PEX14: variants seen among roughly 807,000 people sequenced by gnomAD.
PEX14 encodes peroxisomal biogenesis factor 14, also known as peroxisomal membrane protein PEX14.
In PEX14, 15 loss-of-function variants were observed where a neutral mutation model predicts 49.5. The observed-to-expected ratio is 0.30, with a 90% CI of 0.20 to 0.47. The LOEUF (loss-of-function observed/expected upper bound fraction) is 0.47, where lower values mean the gene tolerates loss of function less well. Ranked by LOEUF, PEX14 falls within the 20% of genes least tolerant of loss-of-function variation. The pLI is 1.00. For synonymous variants in PEX14, 210 were observed against 212.7 expected, an observed-to-expected ratio of 0.99 and a Z score of 0.11; for missense variants, 398 against 494.8, an observed-to-expected ratio of 0.80 and a Z score of 1.86.
intron 3 of PEX14, among the ~76,000 whole-genome samples, chr1:10,586,739 A>C (rs1640504506): frequency 7.1e-6 from 1 of 139,946 alleles, no homozygotes; most frequent in Non-Finnish European, 1.5e-5. Context: ...TCCTGGGTTC[A>C]CGCCATTCTC....
chr1:10,565,897 T>A (rs933878389), intron 3 of PEX14, among the ~76,000 whole-genome samples: 1 of 152,216 alleles, frequency 6.6e-6, no homozygotes, highest in East Asian at 1.9e-4. Context: ...CCCAGCTACT[T>A]GGGAGGCTGA....
intron 3 of PEX14, among the ~76,000 whole-genome samples, chr1:10,541,085 C>T (rs1377013982): frequency 6.6e-6 from 1 of 152,144 alleles, no homozygotes; most frequent in Non-Finnish European, 1.5e-5. Flanking sequence ...GACACGGATT[C>T]GACTCAGTCA....
At chr1:10,535,897 G>A (rs946004895) in intron 2 of PEX14, 7 of 384,016 alleles carry the variant, frequency 1.8e-5, no homozygotes, top group Non-Finnish European at 3.0e-5. Flanking sequence ...ACATGGGTGC[G>A]CATGGCCACA....
intron 2 of PEX14, chr1:10,524,533 T>C (rs2124460798): frequency 2.5e-6 from 1 of 394,052 alleles, no homozygotes; most frequent in Non-Finnish European, 3.5e-6. Flanking sequence ...TACATGCTCA[T>C]CTGGCTTCTC....
intron 2 of PEX14, among the ~76,000 whole-genome samples, chr1:10,530,952 C>T (rs1457625132): frequency 1.3e-5 from 2 of 152,132 alleles, no homozygotes; most frequent in Admixed American, 1.3e-4. Context: ...TAGGATATGT[C>T]ACCTTTTGGA....
intron 5 of PEX14, among the ~76,000 whole-genome samples, chr1:10,620,405 T>C (rs1018051176): frequency 2.0e-5 from 3 of 152,072 alleles, no homozygotes; most frequent in Non-Finnish European, 4.4e-5. Context: ...GGAGGATCAC[T>C]TGGGCTCGGG....
rs1641523275 is a variant in PEX14, at chr1:10,494,535, C to G, written c.37-739C>G. On this transcript the variant is annotated intron_variant, in intron 1 of 8. Transcript: ENST00000356607. This position sits in a 1 kb window ranked among gnomAD's most constrained non-coding sequence, Gnocchi z 4.3. ...TTCTCTAAATTTTGGCCAGATCAGTCAAGGGTCGAAGGCGCCTGTGAGGGT... is the reference window on the plus strand; with the variant it reads ...TTCTCTAAATTTTGGCCAGATCAGTGAAGGGTCGAAGGCGCCTGTGAGGGT... Among the ~76,000 whole-genome samples the G allele has an allele frequency of 6.6e-6, 1 of 152,190 alleles. No individual in the cohort carries two copies. The highest frequency in any genetic ancestry group is 1.5e-5 in the Non-Finnish European group (1 of 68,030).
intron 2 of PEX14, among the ~76,000 whole-genome samples, chr1:10,501,752 A>C (rs1049410908): frequency 1.3e-5 from 2 of 152,132 alleles, no homozygotes; most frequent in African/African-American, 4.8e-5. Context: ...CTGTCTTTAC[A>C]AAAAATTAAA....
chr1:10,620,877 C>G (rs1641569016), intron 5 of PEX14, among the ~76,000 whole-genome samples: 1 of 152,228 alleles, frequency 6.6e-6, no homozygotes, highest in Non-Finnish European at 1.5e-5. Context: ...CTGGTGCCCC[C>G]TTCAAATCAC....
chr1:10,573,290 T>C (rs1640033057), intron 3 of PEX14, among the ~76,000 whole-genome samples: 2 of 152,206 alleles, frequency 1.3e-5, no homozygotes, highest in Non-Finnish European at 2.9e-5. Flanking sequence ...ATTTTTAAAG[T>C]GTACAGGCTT....
chr1:10,612,985 G>A (rs1273374776), intron 4 of PEX14, among the ~76,000 whole-genome samples: 1 of 152,246 alleles, frequency 6.6e-6, no homozygotes, highest in Admixed American at 6.5e-5. Flanking sequence ...CCAAGGACGT[G>A]AGAGTTCTCT....
At chr1:10,507,018 C>A (rs1038450286) in intron 2 of PEX14, among the ~76,000 whole-genome samples, 1 of 152,222 alleles carries the variant, frequency 6.6e-6, no homozygotes, top group Non-Finnish European at 1.5e-5. Flanking sequence ...TTACTAGCTC[C>A]GATCACATAG....
intron 2 of PEX14, among the ~76,000 whole-genome samples, chr1:10,528,852 C>G (rs1315292372): frequency 6.6e-6 from 1 of 152,202 alleles, no homozygotes; most frequent in African/African-American, 2.4e-5. Flanking sequence ...CTGGCCAAAC[C>G]TCCAACTTGC....
intron 1 of PEX14, among the ~76,000 whole-genome samples, chr1:10,477,238 T>C (rs1641211824): frequency 6.6e-6 from 1 of 151,966 alleles, no homozygotes; most frequent in Admixed American, 6.6e-5. Context: ...GCCCAGCTAA[T>C]TTTTTGTGTT....
intron 2 of PEX14, among the ~76,000 whole-genome samples, chr1:10,507,541 T>C (rs1349485054): frequency 6.6e-6 from 1 of 152,230 alleles, no homozygotes; most frequent in African/African-American, 2.4e-5. Flanking sequence ...TGACAGGTTA[T>C]GGGATGGAGA....
intron 5 of PEX14, among the ~76,000 whole-genome samples, chr1:10,618,956 A>AGT (rs1641514978): frequency 2.0e-5 from 3 of 152,344 alleles, no homozygotes; most frequent in South Asian, 2.1e-4. Flanking sequence ...GGCACATGGA[A>AGT]GTGCTTTATA....
chr1:10,540,001 T>C (rs1333000163), intron 3 of PEX14, among the ~76,000 whole-genome samples: 1 of 152,236 alleles, frequency 6.6e-6, no homozygotes, highest in African/African-American at 2.4e-5. Context: ...ACACTTACTG[T>C]GTCCTTCTCA....
At chr1:10,486,606 C>G (rs1156789276) in intron 1 of PEX14, among the ~76,000 whole-genome samples, 2 of 151,690 alleles carry the variant, frequency 1.3e-5, no homozygotes, top group African/African-American at 4.8e-5. Flanking sequence ...GACTTGAGCC[C>G]TGGATTTCCA....
rs1641778682 is a variant in PEX14, at chr1:10,627,360, A to G, written c.674A>G (p.Asn225Ser). Residue 225 changes from asparagine to serine, a missense_variant, in exon 8 of 9, where the codon AAT becomes AGT. Asn to Ser is a conservative substitution (Grantham distance 46, BLOSUM62 1). This residue lies in a region of PEX14 where 202 missense variants were observed against 298.5 expected (regional missense o/e 0.68). Transcript: ENST00000356607. ...AACTCCTTGAAAGGGCTTCTTTTAA[A>G]TCGGTAGGAGGGAGGAATGGGGACC... ...EINSLKGLLL[N>S]RRQFPPSPSA... 6 of 1,602,546 alleles carry G rather than the reference A, an allele frequency of 3.7e-6. No individual in the cohort carries two copies. The highest frequency in any genetic ancestry group is 4.3e-6 in the Non-Finnish European group (5 of 1,169,804).
Sources: gnomAD v4.1 joint callset for allele counts (sites outside exome capture counted in the v4.1 genomes callset) on GRCh38, gnomAD v4.1.1 for gene constraint, gnomAD v4.1.1 regional missense constraint, Gnocchi (gnomAD v3.1) non-coding constraint, MANE v1.5 for transcripts, NCBI Gene and HGNC (gene_info 2026-07-23, HGNC 2026-07-21) for gene names.